EML1: variants seen among roughly 807,000 people sequenced by gnomAD.
EML1 encodes the protein echinoderm microtubule-associated protein-like 1.
In EML1, 27 loss-of-function variants were observed where a neutral mutation model predicts 110.4. That is an observed-to-expected ratio of 0.24 (90% confidence interval 0.18 to 0.34). EML1 has a LOEUF of 0.34. Ranked by LOEUF, EML1 falls within the 10% of genes least tolerant of loss-of-function variation. The pLI, the probability that EML1 is intolerant of heterozygous loss-of-function variation, is 1.00. For missense variants in EML1, 741 were observed against 1,030.9 expected (o/e 0.72, Z 3.85); for synonymous variants, 344 against 385.8 (o/e 0.89, Z 1.27).
chr14:99,756,002 G>A (rs766255077), intron 1 of EML1, among the ~76,000 whole-genome samples: 3 of 152,178 alleles, frequency 2.0e-5, no homozygotes, highest in Admixed American at 2.0e-4. Flanking sequence ...TAGCTCCCAT[G>A]GCCACACGTG....
intron 1 of EML1, among the ~76,000 whole-genome samples, chr14:99,836,682 G>C (rs1350069250): frequency 6.6e-6 from 1 of 152,128 alleles, no homozygotes; most frequent in East Asian, 1.9e-4. Context: ...GTGCATCTTT[G>C]AATGTCCAGT....
At chr14:99,866,906 A>G (rs2059112387) in intron 3 of EML1, among the ~76,000 whole-genome samples, 1 of 152,096 alleles carries the variant, frequency 6.6e-6, no homozygotes, top group African/African-American at 2.4e-5. Flanking sequence ...ATAATATTGC[A>G]TTGTGTGTAT....
At chr14:99,923,079 A>G (rs1254649990) in intron 17 of EML1, among the ~76,000 whole-genome samples, 1 of 152,054 alleles carries the variant, frequency 6.6e-6, no homozygotes, top group Non-Finnish European at 1.5e-5. Flanking sequence ...GTAGCTGGGA[A>G]CACAGGCACA....
intron 20 of EML1, 107 bp downstream of exon 20, chr14:99,938,019 C>A: frequency 6.3e-6 from 7 of 1,113,726 alleles, no homozygotes; most frequent in Non-Finnish European, 9.3e-6. Flanking sequence ...TCAGATTGCT[C>A]GGCTGCTACG....
chr14:99,793,589 G>GGGC, intron 1 of EML1, 46 bp downstream of exon 1: 1 of 993,446 alleles, frequency 1.0e-6, no homozygotes, highest in Non-Finnish European at 1.2e-6. Context: ...GGCTGGTGGC[G>GGGC]GGCGGCGGCG....
intron 17 of EML1, among the ~76,000 whole-genome samples, chr14:99,934,025 G>A (rs2060421979): frequency 6.6e-6 from 1 of 152,188 alleles, no homozygotes; most frequent in South Asian, 2.1e-4. Context: ...AACTCAGGAG[G>A]TGGAGGTTGC....
intron 10 of EML1, 56 bp from the exon 11 acceptor site, chr14:99,909,289 T>C: frequency 2.5e-6 from 4 of 1,611,528 alleles, no homozygotes; most frequent in Non-Finnish European, 3.4e-6. Context: ...TTTTCCTACA[T>C]GTCTCTTACG....
At chr14:99,756,491 G>A (rs919377263) in intron 1 of EML1, among the ~76,000 whole-genome samples, 2 of 152,226 alleles carry the variant, frequency 1.3e-5, no homozygotes, top group African/African-American at 4.8e-5. Flanking sequence ...GTTCCTTGGT[G>A]TTCCTGGTGG....
In EML1 at chr14:99,784,266, T is replaced by A. The variant is rs981233164; in HGVS notation, c.-27+10253T>A. ...TGCTACCACGCTTGGCTAATTTTTG[T>A]GTTTTGTATAGAAACAAGGTTTCAC... On this transcript the variant is annotated intron_variant, in intron 1 of 22. Transcript: ENST00000327921. This position sits in a 1 kb window ranked among gnomAD's most constrained non-coding sequence, Gnocchi z 4.5. 6.6e-6 allele frequency among the ~76,000 whole-genome samples: 1 copy of A among 152,170 alleles called. No homozygotes were observed. Among genetic ancestry groups the A allele is most frequent in the Non-Finnish European group, 1.5e-5 (1 of 68,026 alleles).
intron 5 of EML1, among the ~76,000 whole-genome samples, chr14:99,892,634 A>G (rs1379475424): frequency 6.6e-6 from 1 of 152,198 alleles, no homozygotes; most frequent in African/African-American, 2.4e-5. Context: ...CTGAATCACC[A>G]GTACAAAACA....
chr14:99,768,406 T>C (rs1047801159), upstream of EML1, among the ~76,000 whole-genome samples: 1 of 151,992 alleles, frequency 6.6e-6, no homozygotes, highest in African/African-American at 2.4e-5. Flanking sequence ...ATTGTGGGGT[T>C]GATGGAGCTG....
At position 99,939,949 on chromosome 14, in the gene EML1, G is replaced by A. The variant is rs758115817; in HGVS notation, c.2323-38G>A. On this transcript the variant is annotated intron_variant, in intron 21 of 21. Transcript: ENST00000262233. This position sits in a 1 kb window ranked among gnomAD's most constrained non-coding sequence, Gnocchi z 4.2. ...TTTCCCATCCCAGATGGTTCGCCTT[G>A]TAGTAAAGGAAGCTTTCCCCCGTAT... is the stretch of plus-strand genomic sequence containing the variant. 1 of 1,502,344 alleles carries A rather than the reference G, an allele frequency of 6.7e-7. No individual in the cohort carries two copies. The highest frequency in any genetic ancestry group is 8.9e-7 in the Non-Finnish European group (1 of 1,122,090). 93.1% of individuals were successfully genotyped at this position (1,502,344 alleles called of 1,614,324 possible).
chr14:99,777,928 G>A (rs1220323085), intron 1 of EML1, among the ~76,000 whole-genome samples: 1 of 152,086 alleles, frequency 6.6e-6, no homozygotes, highest in Non-Finnish European at 1.5e-5. Context: ...GAGACTACAG[G>A]CACACACCAC....
At chr14:99,807,020 G>GT (rs986088454) in intron 1 of EML1, among the ~76,000 whole-genome samples, 24 of 150,946 alleles carry the variant, frequency 1.6e-4, no homozygotes, top group African/African-American at 3.2e-4. Context: ...CTGAGTTTTT[G>GT]TTTTTTTTTA....
chr14:99,888,634 C>T (rs184309596), intron 4 of EML1, among the ~76,000 whole-genome samples: 165 of 152,306 alleles, frequency 1.1e-3, no homozygotes, highest in Admixed American at 5.1e-3. Flanking sequence ...ACAAGAATGT[C>T]ACTTCCACCC....
chr14:99,739,714 C>T (rs1248470929), intron 1 of EML1, among the ~76,000 whole-genome samples: 1 of 152,162 alleles, frequency 6.6e-6, no homozygotes, highest in Admixed American at 6.5e-5. Context: ...CATCTTGGTG[C>T]AGGAAGGTAT....
intron 1 of EML1, among the ~76,000 whole-genome samples, chr14:99,758,407 G>T (rs553651319): frequency 3.3e-5 from 5 of 152,228 alleles, no homozygotes; most frequent in South Asian, 2.1e-4. Context: ...ATTGCTTTGT[G>T]GGGGAGGAGA....
intron 1 of EML1, among the ~76,000 whole-genome samples, chr14:99,800,702 TTACTC>T (rs1282428980): frequency 2.0e-5 from 3 of 152,244 alleles, no homozygotes; most frequent in Non-Finnish European, 4.4e-5. Flanking sequence ...CCATTTTTGT[TTACTC>T]TAAGGTTCTA....
At chr14:99,894,870 A>T (rs2139998963) in intron 6 of EML1, 112 bp downstream of exon 6, 1 of 1,333,954 alleles carries the variant, frequency 7.5e-7, no homozygotes, top group South Asian at 1.8e-5. Context: ...TAAAAAACAA[A>T]ATGTTTTACT....
Sources: gnomAD v4.1 joint callset for allele counts (sites outside exome capture counted in the v4.1 genomes callset) on GRCh38, gnomAD v4.1.1 for gene constraint, Gnocchi (gnomAD v3.1) non-coding constraint, MANE v1.5 for transcripts, NCBI Gene and HGNC (gene_info 2026-07-23, HGNC 2026-07-21) for gene names.